The following LARP1B variants were observed in gnomAD, a reference collection of about 807,000 sequenced individuals.
LARP1B encodes la-related protein 1B.
LARP1B carries 76 observed loss-of-function variants against 114.2 expected under a neutral mutation model. That is an observed-to-expected ratio of 0.67 (90% CI 0.55 to 0.81). The LOEUF (loss-of-function observed/expected upper bound fraction) is 0.81, where lower values mean the gene tolerates loss of function less well. Ranked by LOEUF, LARP1B falls within the 30% of genes least tolerant of loss-of-function variation. The pLI is 0.00. For synonymous variants in LARP1B, 345 were observed against 348.0 expected (o/e 0.99, Z 0.10); for missense variants, 1,014 against 1,075.8 (o/e 0.94, Z 0.80).
At chr4:128,187,250 C>T (rs1379384410) in intron 15 of LARP1B, among the ~76,000 whole-genome samples, 2 of 152,252 alleles carry the variant, frequency 1.3e-5, no homozygotes, top group Non-Finnish European at 2.9e-5. Context: ...CTCGAAAAGC[C>T]ACAGGCACTC....
chr4:128,170,889 T>G (rs1185687199), intron 12 of LARP1B, among the ~76,000 whole-genome samples: 1 of 130,570 alleles, frequency 7.7e-6, no homozygotes, highest in African/African-American at 2.9e-5. Context: ...TTTTTTTTTT[T>G]GGCTTCTATT....
chr4:128,128,401 C>T (rs1580768226), intron 11 of LARP1B, among the ~76,000 whole-genome samples: 1 of 152,296 alleles, frequency 6.6e-6, no homozygotes, highest in Non-Finnish European at 1.5e-5. Context: ...TGAAAATACA[C>T]TGTTAAACTG....
At chr4:128,064,045 G>C (rs899318890) in intron 1 of LARP1B, among the ~76,000 whole-genome samples, 1 of 152,052 alleles carries the variant, frequency 6.6e-6, no homozygotes, top group Non-Finnish European at 1.5e-5. Context: ...GCCGAGGCGG[G>C]TGGATCACCT....
At chr4:128,122,937 T>TTA in intron 11 of LARP1B, 1 of 984,224 alleles carries the variant, frequency 1.0e-6, no homozygotes, top group East Asian at 1.1e-4. Flanking sequence ...GCTATTAAGT[T>TTA]TATCAGAAAA....
intron 11 of LARP1B, chr4:128,122,984 A>G (rs1178566550): frequency 4.1e-6 from 4 of 983,760 alleles, no homozygotes; most frequent in Non-Finnish European, 4.8e-6. Flanking sequence ...AGTAGAGGGT[A>G]TAATAAGGGA....
intron 8 of LARP1B, among the ~76,000 whole-genome samples, chr4:128,102,577 G>C (rs1780687834): frequency 6.6e-6 from 1 of 152,126 alleles, no homozygotes; most frequent in African/African-American, 2.4e-5. Flanking sequence ...TATCTGCCCT[G>C]GTTGAGTATG....
chr4:128,122,817 A>G (rs1353859263), intron 11 of LARP1B: 4 of 1,084,346 alleles, frequency 3.7e-6, no homozygotes, highest in African/African-American at 3.3e-5. Flanking sequence ...CCTGGTTCCT[A>G]TCCTAGTTAT....
intron 11 of LARP1B, among the ~76,000 whole-genome samples, chr4:128,135,385 A>G (rs1016637704): frequency 6.6e-6 from 1 of 152,298 alleles, no homozygotes; most frequent in Non-Finnish European, 1.5e-5. Context: ...AATTAAGGAT[A>G]GAAATATCAT....
At chr4:128,175,069 A>G (rs1049953518) in intron 12 of LARP1B, among the ~76,000 whole-genome samples, 1 of 152,134 alleles carries the variant, frequency 6.6e-6, no homozygotes, top group Non-Finnish European at 1.5e-5. Context: ...GATTTGTTGA[A>G]GAAACTGGTT....
intron 1 of LARP1B, among the ~76,000 whole-genome samples, chr4:128,068,329 T>C (rs1763872835): frequency 6.6e-6 from 1 of 151,494 alleles, no homozygotes; most frequent in Non-Finnish European, 1.5e-5. Flanking sequence ...TTTTTTTTTT[T>C]TAAGAGACCG....
chr4:128,122,798 A>G (rs1788432193), intron 11 of LARP1B: 1 of 1,116,940 alleles, frequency 9.0e-7, no homozygotes, highest in African/African-American at 1.6e-5. Flanking sequence ...CTTGCATTTC[A>G]TCCCAGATCC....
chr4:128,212,206 G>A (rs920634702), downstream of LARP1B, among the ~76,000 whole-genome samples: 5 of 151,920 alleles, frequency 3.3e-5, no homozygotes, highest in Non-Finnish European at 1.5e-5. Context: ...ATGAGCCACC[G>A]TGCCTGGCCA....
chr4:128,103,453 T>A (rs918076202), intron 8 of LARP1B, among the ~76,000 whole-genome samples: 1 of 152,102 alleles, frequency 6.6e-6, no homozygotes, highest in African/African-American at 2.4e-5. Flanking sequence ...CCTGCCTTGG[T>A]AGTGGTCAGT....
rs1471816350 is a variant in LARP1B, at chr4:128,219,957, C to G, written n.849-398C>G. Reference sequence around the variant, plus strand: ...CTGGAGTGCAATGGCACGATCTCGGCTCACTGTAACCTCTGTCTACCAGGT... The same window carrying G: ...CTGGAGTGCAATGGCACGATCTCGGGTCACTGTAACCTCTGTCTACCAGGT... On this transcript the variant is annotated intron_variant and non_coding_transcript_variant, in intron 6 of 7. Transcript: ENST00000503725. Among the ~76,000 whole-genome samples, 4 of 152,210 alleles carry G rather than the reference C, an allele frequency of 2.6e-5. No individual in the cohort carries two copies. The South Asian group carries it at 8.3e-4, about 32-fold the overall frequency.
chr4:128,149,058 C>T (rs886640428), intron 11 of LARP1B, among the ~76,000 whole-genome samples: 5 of 152,132 alleles, frequency 3.3e-5, no homozygotes, highest in African/African-American at 1.2e-4. Flanking sequence ...AGGACATTAT[C>T]GAAATGTATT....
chr4:128,216,820 C>T (rs1200201384), downstream of LARP1B, among the ~76,000 whole-genome samples: 2 of 151,998 alleles, frequency 1.3e-5, no homozygotes, highest in Non-Finnish European at 2.9e-5. Context: ...GAAATAGAGA[C>T]ACAAAAAACC....
Position 128,211,214 on chromosome 4 carries a change from CA to C in LARP1B, c.*1162del, listed in dbSNP as rs1460392444. The stretch of plus-strand genomic sequence containing the variant: ...ATATTCAGTTTTGCTAGTAAAAGAC[CA>C]TTTTTTTGTGTGAATGAAGTTTCAA... On this transcript the variant is annotated 3_prime_UTR_variant, in exon 20 of 20. Coordinates refer to ENST00000326639, the MANE Select transcript of LARP1B (RefSeq NM_018078.4). The C allele has an allele frequency of 1.3e-5, 12 of 937,156 alleles. No homozygotes were observed. Among genetic ancestry groups the C allele is most frequent in the Non-Finnish European group, 2.5e-6 (2 of 786,212 alleles). The allele number at this position is 937,156 out of a possible 1,614,324, so 58.1% of individuals were successfully genotyped here. A position where few individuals can be genotyped will look rare whatever the true frequency, so the allele number is the denominator to read the frequency against.
At chr4:128,204,483 C>T (rs558736860) in intron 17 of LARP1B, among the ~76,000 whole-genome samples, 62 of 151,718 alleles carry the variant, frequency 4.1e-4, no homozygotes, top group South Asian at 1.9e-3. Context: ...GGTGAAACCC[C>T]ATCTCTACTA....
Position 128,082,160 on chromosome 4 carries a change from T to G in LARP1B, c.218-5T>G, listed in dbSNP as rs1561103090. On this transcript the variant is annotated splice_region_variant and splice_polypyrimidine_tract_variant and intron_variant, in intron 4 of 19. Coordinates refer to ENST00000326639, the MANE Select transcript of LARP1B (RefSeq NM_018078.4). ...TTGTCCTTAAATGATTTTGTTTTCTTCAAGCTAATAAGCACAAGTGGGTAC... is the reference window on the plus strand; with the variant it reads ...TTGTCCTTAAATGATTTTGTTTTCTGCAAGCTAATAAGCACAAGTGGGTAC... The G allele has an allele frequency of 1.9e-6, 3 of 1,607,414 alleles. No homozygotes were observed. Among genetic ancestry groups the G allele is most frequent in the Non-Finnish European group, 2.5e-6 (3 of 1,178,708 alleles).
Sources: allele counts gnomAD v4.1 joint callset (sites outside exome capture counted in the v4.1 genomes callset), GRCh38; gene constraint gnomAD v4.1.1; transcripts MANE v1.5; gene names NCBI Gene and HGNC (gene_info 2026-07-23, HGNC 2026-07-21).